Variants in KAZN observed in about 807,000 individuals in gnomAD.
KAZN encodes the protein kazrin, periplakin interacting protein, also known as kazrin.
A neutral mutation model predicts 87.4 loss-of-function variants in KAZN; 40 were observed. That is an observed-to-expected ratio of 0.46 (90% confidence interval 0.36 to 0.60). The LOEUF (loss-of-function observed/expected upper bound fraction) is 0.60, where lower values mean the gene tolerates loss of function less well. Ranked by LOEUF, KAZN falls within the 20% of genes least tolerant of loss-of-function variation. KAZN has a pLI of 0.00. For synonymous variants in KAZN, 466 were observed against 458.3 expected (o/e 1.02, Z -0.22); for missense variants, 898 against 1,073.9 (o/e 0.84, Z 2.29).
chr1:14,972,108 C>G (rs578044702), intron 2 of KAZN, among the ~76,000 whole-genome samples: 3 of 152,284 alleles, frequency 2.0e-5, no homozygotes, highest in East Asian at 1.9e-4. Context: ...GAGGACAGGA[C>G]TCGGTGTGCG....
chr1:14,248,948 A>T (rs1465427397), intron 2 of KAZN, among the ~76,000 whole-genome samples: 1 of 152,198 alleles, frequency 6.6e-6, no homozygotes, highest in African/African-American at 2.4e-5. Flanking sequence ...AGCCAGTCAC[A>T]TGGAAAGGCC....
chr1:14,650,332 A>C (rs1261946336), intron 1 of KAZN, among the ~76,000 whole-genome samples: 2 of 152,198 alleles, frequency 1.3e-5, no homozygotes, highest in Admixed American at 1.3e-4. Context: ...AGCTGGAAGG[A>C]TTGCTTGAGC....
intron 1 of KAZN, among the ~76,000 whole-genome samples, chr1:14,785,294 T>G (rs1176438692): frequency 6.6e-6 from 1 of 152,160 alleles, no homozygotes; most frequent in Non-Finnish European, 1.5e-5. Flanking sequence ...CCTTGGGAAC[T>G]TTGTCATTGA....
At chr1:14,976,198 C>T (rs1665606318) in intron 2 of KAZN, among the ~76,000 whole-genome samples, 1 of 152,136 alleles carries the variant, frequency 6.6e-6, no homozygotes, top group East Asian at 1.9e-4. Flanking sequence ...GACAAGGTCT[C>T]ATTCCTATCA....
At chr1:14,160,886 C>T (rs2101825188) in intron 1 of KAZN, among the ~76,000 whole-genome samples, 1 of 152,322 alleles carries the variant, frequency 6.6e-6, no homozygotes, top group East Asian at 1.9e-4. Context: ...AAGGTTACAT[C>T]TTTACCCAGT....
chr1:14,074,502 T>C (rs1010648676), intron 1 of KAZN, among the ~76,000 whole-genome samples: 1 of 152,212 alleles, frequency 6.6e-6, no homozygotes, highest in Non-Finnish European at 1.5e-5. Context: ...GTCGCAGTCT[T>C]AGAAGAAGGC....
chr1:14,903,999 C>G (rs1656214896), intron 1 of KAZN, among the ~76,000 whole-genome samples: 2 of 152,194 alleles, frequency 1.3e-5, no homozygotes, highest in Non-Finnish European at 2.9e-5. Flanking sequence ...CAGTGCCTGG[C>G]ACCAGCAGGC....
intron 1 of KAZN, among the ~76,000 whole-genome samples, chr1:14,724,814 G>T (rs1044997639): frequency 2.6e-5 from 4 of 152,208 alleles, no homozygotes; most frequent in African/African-American, 9.7e-5. Context: ...GGTCTGTCTG[G>T]TTTTTCAATT....
intron 2 of KAZN, among the ~76,000 whole-genome samples, chr1:14,562,509 T>C (rs558955579): frequency 7.1e-4 from 108 of 152,320 alleles, no homozygotes; most frequent in African/African-American, 2.5e-3. Context: ...GGATTGTCAT[T>C]GATATCCTAA....
At position 15,021,251 on chromosome 1, in the gene KAZN, T is replaced by C. The variant is rs1367043218; in HGVS notation, c.419-13498T>C. Among the ~76,000 whole-genome samples the C allele has an allele frequency of 6.6e-6, 1 of 152,212 alleles. No individual in the cohort carries two copies. The highest frequency in any genetic ancestry group is 2.4e-5 in the African/African-American group (1 of 41,452). On this transcript the variant is annotated intron_variant, in intron 2 of 14. Coordinates refer to ENST00000376030, the MANE Select transcript of KAZN (RefSeq NM_201628.3). The surrounding 1 kb of genome is among the most constrained non-coding windows in gnomAD (Gnocchi z 4.2). The stretch of plus-strand genomic sequence containing the variant: ...AGCCCAGGCCATTATCTTGCCTGCA[T>C]ACGACCTCACACACCCACACAAGCC...
At chr1:15,090,186 T>C (rs1001328287) in intron 8 of KAZN, among the ~76,000 whole-genome samples, 3 of 152,226 alleles carry the variant, frequency 2.0e-5, no homozygotes, top group Non-Finnish European at 2.9e-5. Flanking sequence ...CTGAGGTCTG[T>C]TCAACTCCAA....
chr1:14,629,488 G>C (rs948005360), intron 1 of KAZN, among the ~76,000 whole-genome samples: 1 of 152,206 alleles, frequency 6.6e-6, no homozygotes, highest in African/African-American at 2.4e-5. Context: ...AACCTCGCAG[G>C]CTGCGAGCAC....
intron 1 of KAZN, among the ~76,000 whole-genome samples, chr1:13,897,783 T>C (rs1639100297): frequency 6.6e-6 from 1 of 152,234 alleles, no homozygotes. Flanking sequence ...CTTGTCTCGC[T>C]CAAGGATTTG....
chr1:14,050,139 TG>T lies in KAZN; in HGVS notation c.92-130294del, dbSNP rs373356499. ...GTGTGGGCATGCATGTGCACATGTG[TG>T]GATTTGGGTATGCTTGTGCGCGTGT... is the stretch of plus-strand genomic sequence containing the variant. On this transcript the variant is annotated intron_variant, in intron 1 of 16. Transcript: ENST00000636203. Among the ~76,000 whole-genome samples the T allele has an allele frequency of 7.2e-4, 109 of 151,432 alleles. 3 individuals carry two copies. The East Asian group carries it at 0.019, about 27-fold the overall frequency.
At chr1:14,056,550 G>A (rs1407509805) in intron 1 of KAZN, among the ~76,000 whole-genome samples, 1 of 152,246 alleles carries the variant, frequency 6.6e-6, no homozygotes, top group Non-Finnish European at 1.5e-5. Context: ...AGAATTATAA[G>A]AGAATAAATC....
At chr1:14,579,576 GATCGCA>G (rs1675402425) in intron 2 of KAZN, among the ~76,000 whole-genome samples, 1 of 150,220 alleles carries the variant, frequency 6.7e-6, no homozygotes, top group African/African-American at 2.5e-5. Flanking sequence ...GGTGAGCCGA[GATCGCA>G]CCACTGCACT....
At position 15,098,194 on chromosome 1, in the gene KAZN, G is replaced by A. The variant is rs183800516; in HGVS notation, c.1547+3261G>A. ...CCAGACAATATCTAAATTTTGTGCC[G>A]TCCTCAGATTTCAGAGTCTAATCCG... On this transcript the variant is annotated intron_variant, in intron 10 of 14. Transcript: ENST00000376030. 2.6e-4 allele frequency among the ~76,000 whole-genome samples: 39 copies of A among 152,348 alleles called. No homozygotes were observed. The East Asian group carries it at 4.6e-3, about 18-fold the overall frequency.
intron 1 of KAZN, among the ~76,000 whole-genome samples, chr1:14,801,791 C>T (rs1646036844): frequency 6.6e-6 from 1 of 151,578 alleles, no homozygotes; most frequent in African/African-American, 2.4e-5. Context: ...TCATGCCATT[C>T]TCCTTCCTCA....
At chr1:14,314,909 T>TATAAA (rs1329473223) in intron 2 of KAZN, among the ~76,000 whole-genome samples, 3 of 152,138 alleles carry the variant, frequency 2.0e-5, no homozygotes, top group Non-Finnish European at 4.4e-5. Context: ...GGGTGTTTTA[T>TATAAA]ATAAGTGGAA....
Sources: gnomAD v4.1 joint callset for allele counts (sites outside exome capture counted in the v4.1 genomes callset) on GRCh38, gnomAD v4.1.1 for gene constraint, Gnocchi (gnomAD v3.1) non-coding constraint, MANE v1.5 for transcripts, NCBI Gene and HGNC (gene_info 2026-07-23, HGNC 2026-07-21) for gene names.